Variants in CDH13 observed in about 807,000 individuals in gnomAD.
CDH13 encodes the protein cadherin-13.
In CDH13, 24 loss-of-function variants were observed where a neutral mutation model predicts 63.8. That is an observed-to-expected ratio of 0.38 (90% confidence interval 0.27 to 0.53). The LOEUF (loss-of-function observed/expected upper bound fraction) is 0.53, where lower values mean the gene tolerates loss of function less well. Among genes scored for constraint, CDH13 ranks in the 20% least tolerant of loss-of-function variants. The pLI, the probability that CDH13 is intolerant of heterozygous loss-of-function variation, is 0.85. For missense variants in CDH13, 1,049 were observed against 903.1 expected (o/e 1.16, Z -2.07); for synonymous variants, 503 against 355.3 (o/e 1.42, Z -4.67).
intron 1 of CDH13, chr16:82,826,822 T>A (rs1035247292): frequency 3.9e-5 from 6 of 152,182 alleles, no homozygotes; most frequent in African/African-American, 1.4e-4. Flanking sequence ...TAAATGTGAT[T>A]AAAATGTGGT....
intron 11 of CDH13, among the ~76,000 whole-genome samples, chr16:83,753,146 C>G (rs761603719): frequency 4.6e-5 from 7 of 152,144 alleles, no homozygotes; most frequent in Non-Finnish European, 8.8e-5. Flanking sequence ...TTAAAAAGCC[C>G]TTATAAATCA....
chr16:83,428,197 A>T (rs1420949487), intron 6 of CDH13, among the ~76,000 whole-genome samples: 1 of 152,208 alleles, frequency 6.6e-6, no homozygotes, highest in Non-Finnish European at 1.5e-5. Context: ...GAGTTTTATT[A>T]TTGAACTTCA....
At chr16:82,807,319 T>C (rs892067584) in intron 1 of CDH13, among the ~76,000 whole-genome samples, 13 of 152,186 alleles carry the variant, frequency 8.5e-5, no homozygotes, top group African/African-American at 3.1e-4. Context: ...TATCGTTGTT[T>C]TTCCAGGCAA....
rs545560168 is a variant in CDH13 at position 83,033,271 on chromosome 16, T to G, written c.366+1053T>G. Among the ~76,000 whole-genome samples the G allele has an allele frequency of 1.4e-4, 21 of 152,306 alleles. No individual in the cohort carries two copies. The South Asian group carries it at 4.1e-3, about 30-fold the overall frequency. ...ACTTCAGTATATCTATGTGTGTATA[T>G]GTATATATGTATATGTAATTGTTTA... On this transcript the variant is annotated intron_variant, in intron 3 of 13. Transcript: ENST00000567109.
intron 4 of CDH13, among the ~76,000 whole-genome samples, chr16:83,208,471 T>G (rs116203211): frequency 0.079 from 10,840 of 136,944 alleles, 405 homozygotes; most frequent in African/African-American, 0.099. Context: ...GGCAACAGTG[T>G]TTTTTTTTTT....
intron 4 of CDH13, among the ~76,000 whole-genome samples, chr16:83,192,182 C>T (rs951091862): frequency 1.3e-5 from 2 of 152,186 alleles, no homozygotes; most frequent in Admixed American, 1.3e-4. Context: ...CAGAGATTCC[C>T]CTTCCCATGC....
chr16:83,550,418 GAGC>G (rs2075468944), intron 7 of CDH13, among the ~76,000 whole-genome samples: 1 of 152,204 alleles, frequency 6.6e-6, no homozygotes, highest in Non-Finnish European at 1.5e-5. Context: ...GTGTGGCATG[GAGC>G]CATCAGTGAC....
rs8057840 is a variant in CDH13 at position 83,307,958 on chromosome 16, T to C, written c.637-36904T>C. 3.5e-3 allele frequency among the ~76,000 whole-genome samples: 535 copies of C among 152,330 alleles called. 3 individuals carry two copies. Among genetic ancestry groups the C allele is most frequent in the African/African-American group, 0.012 (506 of 41,578 alleles). ...CAAAATATGTATTTTTTATGATTGA[T>C]GAGGACATTGCAGCATGCCACCTTC... On this transcript the variant is annotated intron_variant, in intron 5 of 13. Coordinates refer to ENST00000567109, the MANE Select transcript of CDH13 (RefSeq NM_001257.5).
chr16:83,624,231 C>T (rs1374153920), intron 8 of CDH13, among the ~76,000 whole-genome samples: 1 of 152,064 alleles, frequency 6.6e-6, no homozygotes, highest in East Asian at 1.9e-4. Flanking sequence ...ACACCCACAT[C>T]CTCTCTCCCA....
At chr16:82,958,350 G>C (rs1906442514) in intron 2 of CDH13, among the ~76,000 whole-genome samples, 1 of 152,192 alleles carries the variant, frequency 6.6e-6, no homozygotes, top group East Asian at 1.9e-4. Context: ...ATTTAAGCAT[G>C]AATTTCAGCA....
intron 1 of CDH13, among the ~76,000 whole-genome samples, chr16:82,820,862 C>A (rs936250550): frequency 6.6e-6 from 1 of 151,984 alleles, no homozygotes; most frequent in African/African-American, 2.4e-5. Context: ...CGTTTGACTG[C>A]AAAAAATGTG....
intron 2 of CDH13, among the ~76,000 whole-genome samples, chr16:83,000,574 C>CTTTTTTTTTTTTT (rs561787532): frequency 1.0e-4 from 13 of 127,716 alleles, no homozygotes; most frequent in East Asian, 4.6e-4. Flanking sequence ...TTTCTTTTCT[C>CTTTTTTTTTTTTT]TTTTTTTTTT....
At chr16:83,244,973 C>T (rs571319687) in intron 5 of CDH13, among the ~76,000 whole-genome samples, 2 of 152,208 alleles carry the variant, frequency 1.3e-5, no homozygotes, top group East Asian at 1.9e-4. Context: ...GGTTTAGGCA[C>T]GTTGAGCCAC....
At chr16:83,450,489 G>C (rs1419681544) in intron 6 of CDH13, among the ~76,000 whole-genome samples, 3 of 152,134 alleles carry the variant, frequency 2.0e-5, no homozygotes, top group African/African-American at 7.2e-5. Context: ...CCAGGATTTT[G>C]TATGCTTTAT....
At chr16:83,175,611 C>A (rs1212056021) in intron 4 of CDH13, among the ~76,000 whole-genome samples, 2 of 152,004 alleles carry the variant, frequency 1.3e-5, no homozygotes, top group Admixed American at 6.6e-5. Flanking sequence ...TTGAGAATAG[C>A]CTTGACCAGC....
At chr16:83,264,457 C>G (rs1296327132) in intron 5 of CDH13, among the ~76,000 whole-genome samples, 1 of 151,122 alleles carries the variant, frequency 6.6e-6, no homozygotes, top group African/African-American at 2.4e-5. Context: ...ATATATACAT[C>G]GTATATATGT....
chr16:83,412,124 C>T (rs1424617124), intron 6 of CDH13, among the ~76,000 whole-genome samples: 1 of 152,164 alleles, frequency 6.6e-6, no homozygotes, highest in Non-Finnish European at 1.5e-5. Context: ...GTGCTGAATG[C>T]ACCTATGCAT....
At chr16:82,826,876 G>T (rs988343108) in intron 1 of CDH13, among the ~76,000 whole-genome samples, 1 of 152,210 alleles carries the variant, frequency 6.6e-6, no homozygotes, top group Non-Finnish European at 1.5e-5. Context: ...AGGTTTTCAA[G>T]TTACAGCAGC....
chr16:83,425,431 T>C (rs2071863410), intron 6 of CDH13, among the ~76,000 whole-genome samples: 1 of 152,260 alleles, frequency 6.6e-6, no homozygotes, highest in Non-Finnish European at 1.5e-5. Context: ...GTTCCCACTC[T>C]TGGCCAGGGG....
Sources: gnomAD v4.1 joint callset for allele counts (sites outside exome capture counted in the v4.1 genomes callset) on GRCh38, gnomAD v4.1.1 for gene constraint, MANE v1.5 for transcripts, NCBI Gene and HGNC (gene_info 2026-07-23, HGNC 2026-07-21) for gene names.